NALCN: variants seen among roughly 807,000 people sequenced by gnomAD.
NALCN encodes sodium leak channel NALCN.
Under a neutral mutation model 225.3 loss-of-function variants are expected in NALCN, and 111 were observed. The ratio of observed to expected loss-of-function variants is 0.49; its 90% CI spans 0.42 to 0.58. The LOEUF is 0.58. NALCN is among the 20% of genes least tolerant of loss of function. The pLI is 0.00. For missense variants in NALCN, 1,378 were observed against 2,202.4 expected, an observed-to-expected ratio of 0.63 and a Z score of 7.49; for synonymous variants, 764 against 769.0, an observed-to-expected ratio of 0.99 and a Z score of 0.11.
At chr13:101,269,212 A>G (rs1222602330) in intron 10 of NALCN, among the ~76,000 whole-genome samples, 1 of 2,656 alleles carries the variant, frequency 3.8e-4, no homozygotes, top group Non-Finnish European at 8.2e-4. Flanking sequence ...GAAAAAGCTC[A>G]TATATATATA....
Position 101,104,171 on chromosome 13 carries a change from A to G in NALCN, c.2889+124T>C. 1.7e-6 allele frequency: 2 copies of G among 1,172,116 alleles called. No individual in the cohort carries two copies. Among genetic ancestry groups the G allele is most frequent in the South Asian group, 1.6e-5 (1 of 61,198 alleles). 72.6% of individuals were successfully genotyped at this position (1,172,116 alleles called of 1,614,324 possible). A position where few individuals can be genotyped will look rare whatever the true frequency, so the allele number is the denominator to read the frequency against. ...CATATAATGAACTACTCTAGAGTCC[A>G]TTTAAGAATTCGGTTAGGGAATCTA... On this transcript the variant is annotated intron_variant, in intron 25 of 43. Coordinates refer to ENST00000251127, the MANE Select transcript of NALCN (RefSeq NM_052867.4). This position sits in a 1 kb window ranked among gnomAD's most constrained non-coding sequence, Gnocchi z 4.2.
chr13:101,362,185 T>C (rs2046269660), intron 6 of NALCN, among the ~76,000 whole-genome samples: 1 of 151,930 alleles, frequency 6.6e-6, no homozygotes, highest in African/African-American at 2.4e-5. Context: ...AACATATACA[T>C]AGGGATAGAA....
At chr13:101,309,001 GA>G (rs1333317342) in intron 7 of NALCN, among the ~76,000 whole-genome samples, 5 of 152,086 alleles carry the variant, frequency 3.3e-5, no homozygotes. Context: ...AAGATTCTTT[GA>G]AATGTTCAAA....
intron 7 of NALCN, among the ~76,000 whole-genome samples, chr13:101,321,808 C>T (rs911277735): frequency 5.9e-5 from 9 of 151,978 alleles, no homozygotes; most frequent in African/African-American, 2.2e-4. Flanking sequence ...GTTTCAAAGT[C>T]AAAAATGTCA....
At chr13:101,206,302 G>A (rs938711517) in intron 13 of NALCN, among the ~76,000 whole-genome samples, 24 of 152,052 alleles carry the variant, frequency 1.6e-4, no homozygotes, top group African/African-American at 5.8e-4. Context: ...CAAATAAAGA[G>A]CTTTATCAAA....
intron 18 of NALCN, among the ~76,000 whole-genome samples, chr13:101,112,555 G>A (rs576235726): frequency 1.3e-5 from 2 of 152,346 alleles, no homozygotes; most frequent in South Asian, 4.1e-4. Flanking sequence ...TTATGAAGTA[G>A]TTGAGTGATC....
chr13:101,374,165 T>C (rs1325405822), intron 6 of NALCN, among the ~76,000 whole-genome samples: 2 of 151,672 alleles, frequency 1.3e-5, no homozygotes, highest in Non-Finnish European at 2.9e-5. Flanking sequence ...AAAAGTTATA[T>C]TAAAAAACAA....
intron 13 of NALCN, among the ~76,000 whole-genome samples, chr13:101,225,330 T>C (rs973855458): frequency 6.6e-6 from 1 of 152,212 alleles, no homozygotes; most frequent in African/African-American, 2.4e-5. Flanking sequence ...CCAGAACCTG[T>C]ACCCTAGTTT....
intron 7 of NALCN, among the ~76,000 whole-genome samples, chr13:101,335,500 C>T (rs75988575): frequency 0.011 from 1,744 of 152,110 alleles, 34 homozygotes; most frequent in African/African-American, 0.039. Context: ...ATCTTGTCCT[C>T]GACTCAACAA....
rs759523803 is a variant in NALCN at position 101,360,189 on chromosome 13, C to CCTCTCTCTCTCTCTCTCTCTCT, written c.645-14791_645-14770dup. On this transcript the variant is annotated intron_variant, in intron 6 of 43. Transcript: ENST00000251127. ...CTCTTTCTTCCTCTCTTCCTCTCTT[C>CCTCTCTCTCTCTCTCTCTCTCT]CTCTCTCTCTCTCTCTCTCTCTCTC... Among the ~76,000 whole-genome samples the CCTCTCTCTCTCTCTCTCTCTCT allele has an allele frequency of 1.7e-4, 15 of 89,320 alleles. 2 individuals carry two copies. Among genetic ancestry groups the CCTCTCTCTCTCTCTCTCTCTCT allele is most frequent in the Non-Finnish European group, 3.2e-4 (14 of 43,474 alleles). The allele number at this position is 89,320 out of a possible 152,430, so 58.6% of individuals were successfully genotyped here.
intron 9 of NALCN, among the ~76,000 whole-genome samples, chr13:101,285,107 G>A (rs960479726): frequency 5.3e-5 from 8 of 152,116 alleles, no homozygotes; most frequent in Non-Finnish European, 1.0e-4. Flanking sequence ...TGTATTCGAA[G>A]GGGTAACTGC....
intron 7 of NALCN, among the ~76,000 whole-genome samples, chr13:101,297,584 T>C (rs1164092500): frequency 1.3e-5 from 2 of 152,194 alleles, no homozygotes; most frequent in African/African-American, 2.4e-5. Context: ...GCTGCCAGGC[T>C]TCAGTCCCTT....
intron 13 of NALCN, among the ~76,000 whole-genome samples, chr13:101,208,435 A>C (rs1174263296): frequency 6.6e-6 from 1 of 152,254 alleles, no homozygotes; most frequent in Non-Finnish European, 1.5e-5. Flanking sequence ...TGAAGTCAGC[A>C]AGACCAAGAA....
chr13:101,187,596 C>A (rs777287751), intron 14 of NALCN, among the ~76,000 whole-genome samples: 14 of 151,996 alleles, frequency 9.2e-5, no homozygotes, highest in Non-Finnish European at 1.5e-4. Flanking sequence ...AATTGAGTCA[C>A]AAAAAAGATG....
intron 17 of NALCN, among the ~76,000 whole-genome samples, chr13:101,136,704 T>C (rs917772268): frequency 2.6e-5 from 4 of 151,532 alleles, no homozygotes; most frequent in Non-Finnish European, 5.9e-5. Context: ...CAGTCTATCA[T>C]TGATGGACAT....
chr13:101,296,637 AT>A (rs1225784093), intron 7 of NALCN, among the ~76,000 whole-genome samples: 1 of 152,222 alleles, frequency 6.6e-6, no homozygotes, highest in African/African-American at 2.4e-5. Context: ...TTTTTGTTAA[AT>A]GAAAAATGAT....
chr13:101,160,331 T>G (rs2038118132), intron 15 of NALCN, among the ~76,000 whole-genome samples: 1 of 152,202 alleles, frequency 6.6e-6, no homozygotes, highest in Admixed American at 6.5e-5. Context: ...TGTCTGTGTC[T>G]CTTGCCTTTT....
At position 101,292,242 on chromosome 13, in the gene NALCN, G is replaced by A. The variant is rs2043582321; in HGVS notation, c.924C>T (p.Phe308=). 2 of 1,614,044 alleles carry A rather than the reference G, an allele frequency of 1.2e-6. No homozygotes were observed. Among genetic ancestry groups the A allele is most frequent in the Non-Finnish European group, 1.7e-6 (2 of 1,179,988 alleles). Residue 308 remains phenylalanine, a synonymous_variant, in exon 8 of 44, where the codon TTC becomes TTT. Transcript: ENST00000251127. This position sits in a 1 kb window ranked among gnomAD's most constrained non-coding sequence, Gnocchi z 4.3. ...SYFYFITLIF[F]LAWLVKNVFI... is the part of the protein sequence containing the mutation. ...GCAGTACCTTCACAAGCCAGGCGAG[G>A]AAGAAAATGAGAGTGATGAAATAGA...
intron 7 of NALCN, among the ~76,000 whole-genome samples, chr13:101,320,123 T>A (rs545620): frequency 6.6e-6 from 1 of 151,918 alleles, no homozygotes; most frequent in Non-Finnish European, 1.5e-5. Flanking sequence ...AGAATGAACA[T>A]CATGATTATT....
Sources: allele counts gnomAD v4.1 joint callset (sites outside exome capture counted in the v4.1 genomes callset), GRCh38; gene constraint gnomAD v4.1.1; non-coding constraint Gnocchi (gnomAD v3.1); transcripts MANE v1.5; gene names NCBI Gene and HGNC (gene_info 2026-07-23, HGNC 2026-07-21).